The following SHANK2 variants were observed in gnomAD, a reference collection of about 807,000 sequenced individuals.
SHANK2 encodes SH3 and multiple ankyrin repeat domains 2, also known as SH3 and multiple ankyrin repeat domains protein 2.
Under a neutral mutation model 133.7 loss-of-function variants are expected in SHANK2, and 43 were observed. The observed-to-expected ratio is 0.32, with a 90% CI of 0.25 to 0.41. The LOEUF (loss-of-function observed/expected upper bound fraction) is 0.41. Ranked by LOEUF, SHANK2 falls within the 10% of genes least tolerant of loss-of-function variation. The pLI, the probability that SHANK2 is intolerant of heterozygous loss-of-function variation, is 1.00. For synonymous variants in SHANK2, 1,017 were observed against 952.8 expected, an observed-to-expected ratio of 1.07 and a Z score of -1.24; for missense variants, 1,994 against 2,235.8, an observed-to-expected ratio of 0.89 and a Z score of 2.18.
In SHANK2 at chr11:70,830,530, G is replaced by A. The variant is rs1555058139; in HGVS notation, c.1175-9848C>T. ...CAGGTGACCTTGGAGAGCTGGGGAA[G>A]CAGAGGCGGGTGCACAGCCTCCCGC... On this transcript the variant is annotated intron_variant, in intron 11 of 25. Coordinates refer to ENST00000601538, the MANE Select transcript of SHANK2 (RefSeq NM_012309.5). This position sits in a 1 kb window ranked among gnomAD's most constrained non-coding sequence, Gnocchi z 4.4. 6.6e-6 allele frequency among the ~76,000 whole-genome samples: 1 copy of A among 152,254 alleles called. No individual in the cohort carries two copies. Among genetic ancestry groups the A allele is most frequent in the East Asian group, 1.9e-4 (1 of 5,192 alleles).
chr11:70,515,865 ATTTTG>A (rs2059260107), intron 17 of SHANK2, among the ~76,000 whole-genome samples: 1 of 151,956 alleles, frequency 6.6e-6, no homozygotes, highest in African/African-American at 2.4e-5. Flanking sequence ...AGGAACTCTT[ATTTTG>A]TTCTCTGATC....
At chr11:70,656,205 C>T (rs891095407) in intron 17 of SHANK2, among the ~76,000 whole-genome samples, 2 of 152,190 alleles carry the variant, frequency 1.3e-5, no homozygotes, top group African/African-American at 2.4e-5. Flanking sequence ...ACAAAGTCTT[C>T]AGCAAACTCT....
chr11:70,474,612 GCTGTCCC>G (rs2058639672), intron 25 of SHANK2: 1 of 152,276 alleles, frequency 6.6e-6, no homozygotes, highest in African/African-American at 2.4e-5. Flanking sequence ...TGCATGTTTT[GCTGTCCC>G]CACACTGAAA....
At chr11:70,641,688 G>A (rs1404850212) in intron 17 of SHANK2, among the ~76,000 whole-genome samples, 5 of 152,222 alleles carry the variant, frequency 3.3e-5, no homozygotes, top group African/African-American at 4.8e-5. Context: ...GAAGCTGCTT[G>A]GAGGAGAGCT....
chr11:70,571,324 C>T (rs1164415981), intron 17 of SHANK2: 1 of 152,218 alleles, frequency 6.6e-6, no homozygotes, highest in African/African-American at 2.4e-5. Flanking sequence ...GGCTGAGTGA[C>T]TTCCGGTGAT....
chr11:70,503,905 C>T (rs1217220812), intron 17 of SHANK2, among the ~76,000 whole-genome samples: 1 of 152,228 alleles, frequency 6.6e-6, no homozygotes. Flanking sequence ...AGGAGTAACA[C>T]TTAGTGGTTT....
rs1048536658 is a variant in SHANK2 at position 70,468,886 on chromosome 11, C to T, written c.*3983G>A. 19 of 152,360 alleles carry T rather than the reference C, an allele frequency of 1.2e-4. No homozygotes were observed. The highest frequency in any genetic ancestry group is 4.3e-4 in the African/African-American group (18 of 41,582). 9.4% of individuals were successfully genotyped at this position (152,360 alleles called of 1,614,324 possible). On this transcript the variant is annotated 3_prime_UTR_variant, in exon 26 of 26. Transcript: ENST00000601538. ...ACGTTTAGGTTTAAAATATGCTTCC[C>T]TAAAGCGGAGGGATGGCCCATGTCT...
rs782636428 is a variant in SHANK2 at position 71,092,420 on chromosome 11, A to G, written c.912+2T>C. 4.5e-6 allele frequency: 7 copies of G among 1,551,110 alleles called. No homozygotes were observed. The South Asian group carries it at 8.3e-5, about 18-fold the overall frequency. On this transcript the variant is annotated splice_donor_variant, in intron 8 of 25. Coordinates refer to ENST00000601538, the MANE Select transcript of SHANK2 (RefSeq NM_012309.5). LOFTEE classifies it high-confidence loss of function. ...ACAGAGTGGAGAAGCGGGCCCACGT[A>G]CCTGGTGGATCTCGTGCCAGCCGTT... is the stretch of plus-strand genomic sequence containing the variant.
In SHANK2 at chr11:71,118,917, C is replaced by CTGCAA; in HGVS notation, c.322_323insTTGCA (p.Ser108IlefsTer59). 1.3e-6 allele frequency: 2 copies of CTGCAA among 1,551,766 alleles called. No homozygotes were observed. The highest frequency in any genetic ancestry group is 1.7e-6 in the Non-Finnish European group (2 of 1,147,006). ...CAGGAACTTGCCGTCACGCCCATTG[C>CTGCAA]TGGCCGGCTGGAACAGGCCGTAGTT... On this transcript the variant is annotated frameshift_variant, in exon 4 of 26. Transcript: ENST00000601538. LOFTEE classifies it high-confidence loss of function.
chr11:70,614,669 T>G (rs1554995411), intron 17 of SHANK2, among the ~76,000 whole-genome samples: 1 of 152,218 alleles, frequency 6.6e-6, no homozygotes, highest in Non-Finnish European at 1.5e-5. Context: ...TTCCAGGCCC[T>G]TCCTTCATCC....
rs1953720816 is a variant in SHANK2, at chr11:71,188,482, A to G, written c.-13+36215T>C. Among the ~76,000 whole-genome samples, 1 of 152,236 alleles carries G rather than the reference A, an allele frequency of 6.6e-6. No homozygotes were observed. The highest frequency in any genetic ancestry group is 6.5e-5 in the Admixed American group (1 of 15,288). On this transcript the variant is annotated intron_variant, in intron 2 of 25. Coordinates refer to ENST00000601538, the MANE Select transcript of SHANK2 (RefSeq NM_012309.5). This position sits in a 1 kb window ranked among gnomAD's most constrained non-coding sequence, Gnocchi z 4.6. The stretch of plus-strand genomic sequence containing the variant: ...GAGAAGGACTTCGGCGCAAGGGAAC[A>G]GGAAAACACTGCAAATATTTACAGT...
chr11:70,759,116 G>A (rs1334936760), intron 14 of SHANK2, among the ~76,000 whole-genome samples: 8 of 151,704 alleles, frequency 5.3e-5, no homozygotes, highest in African/African-American at 1.9e-4. Context: ...AGTGAGCCGA[G>A]ATCACGCCAC....
intron 6 of SHANK2, among the ~76,000 whole-genome samples, chr11:71,103,091 T>C (rs1565452467): frequency 6.6e-6 from 1 of 152,230 alleles, no homozygotes; most frequent in Non-Finnish European, 1.5e-5. Flanking sequence ...CAGGAGCCCA[T>C]CACCTGCTGA....
In SHANK2 at chr11:71,092,415, C is replaced by A; in HGVS notation, c.912+7G>T. The A allele has an allele frequency of 6.4e-7, 1 of 1,551,132 alleles. No homozygotes were observed. On this transcript the variant is annotated splice_region_variant and intron_variant, in intron 8 of 25. Coordinates refer to ENST00000601538, the MANE Select transcript of SHANK2 (RefSeq NM_012309.5). ...GTACAACAGAGTGGAGAAGCGGGCC[C>A]ACGTACCTGGTGGATCTCGTGCCAG... is the stretch of plus-strand genomic sequence containing the variant.
intron 4 of SHANK2, among the ~76,000 whole-genome samples, chr11:71,117,966 T>C (rs1322885821): frequency 6.6e-6 from 1 of 152,298 alleles, no homozygotes; most frequent in African/African-American, 2.4e-5. Context: ...GAGGGCAGTC[T>C]TATGGGACTG....
chr11:70,792,851 C>T (rs530435133), intron 14 of SHANK2, among the ~76,000 whole-genome samples: 8 of 152,212 alleles, frequency 5.3e-5, no homozygotes, highest in South Asian at 2.1e-4. Flanking sequence ...TTTGGGAGAC[C>T]GAGGCAGGAG....
intron 11 of SHANK2, among the ~76,000 whole-genome samples, chr11:70,883,177 C>G (rs1006469270): frequency 2.6e-5 from 4 of 152,178 alleles, no homozygotes; most frequent in Non-Finnish European, 4.4e-5. Context: ...GCCTCCCTAA[C>G]AGGGCTGTCA....
At position 70,796,158 on chromosome 11, in the gene SHANK2, G is replaced by A. The variant is rs569978800; in HGVS notation, c.1777+2285C>T. ...TGCCCTGGGTGGGGACCCTGTCAAC[G>A]GGGCTAGAGAAAGCCATACGTTCTC... On this transcript the variant is annotated intron_variant, in intron 14 of 25. Coordinates refer to ENST00000601538, the MANE Select transcript of SHANK2 (RefSeq NM_012309.5). Among the ~76,000 whole-genome samples the A allele has an allele frequency of 1.5e-4, 23 of 152,252 alleles. No homozygotes were observed. The South Asian group carries it at 2.9e-3, about 19-fold the overall frequency.
At chr11:70,820,232 T>C in intron 12 of SHANK2, 132 bp downstream of exon 12, 1 of 566,682 alleles carries the variant, frequency 1.8e-6, no homozygotes, top group Non-Finnish European at 3.1e-6. Context: ...AACTCAGGCA[T>C]GAAAGTTTCC....
Sources: allele counts gnomAD v4.1 joint callset (sites outside exome capture counted in the v4.1 genomes callset), GRCh38; gene constraint gnomAD v4.1.1; non-coding constraint Gnocchi (gnomAD v3.1); transcripts MANE v1.5; gene names NCBI Gene and HGNC (gene_info 2026-07-23, HGNC 2026-07-21).